CEP131: variants seen among roughly 807,000 people sequenced by gnomAD.
The protein encoded by CEP131 is centrosomal protein 131, also known as centrosomal protein of 131 kDa.
Under a neutral mutation model 136.8 loss-of-function variants are expected in CEP131, and 99 were observed. That is an observed-to-expected ratio of 0.72 (90% CI 0.62 to 0.86). The LOEUF (loss-of-function observed/expected upper bound fraction) is 0.86. Among genes scored for constraint, CEP131 ranks in the 40% least tolerant of loss-of-function variants. The probability of loss-of-function intolerance (pLI) is 0.00; values close to 1 mark genes in which losing one functional copy is unlikely to be tolerated. For synonymous variants in CEP131, 646 were observed against 612.7 expected (o/e 1.05, Z -0.80); for missense variants, 1,459 against 1,463.0 (o/e 1.00, Z 0.04).
chr17:81,192,791 G>GCTGC lies in CEP131; in HGVS notation c.2370_2373dup (p.Arg792AlafsTer6). ...TCCTCAGCCACCTCACTGTACAGCC[G>GCTGC]CTGCCGTTGCTGCTGCAGCGCCCAC... On this transcript the variant is annotated frameshift_variant, in exon 19 of 26. Coordinates refer to ENST00000450824, the MANE Select transcript of CEP131 (RefSeq NM_014984.4). LOFTEE classifies it high-confidence loss of function. 6.3e-7 allele frequency: 1 copy of GCTGC among 1,597,772 alleles called. No homozygotes were observed. The highest frequency in any genetic ancestry group is 8.5e-7 in the Non-Finnish European group (1 of 1,178,710).
chr17:81,201,502 G>A (rs2061890344), intron 7 of CEP131, among the ~76,000 whole-genome samples: 1 of 152,190 alleles, frequency 6.6e-6, no homozygotes, highest in African/African-American at 2.4e-5. Flanking sequence ...CTGGAGCTTT[G>A]GGTGTTGTTG....
intron 14 of CEP131, 37 bp from the exon 15 acceptor site, chr17:81,196,863 C>T (rs201347564): frequency 2.5e-5 from 40 of 1,601,402 alleles, no homozygotes; most frequent in South Asian, 9.0e-5. Context: ...GCGCTAGGAC[C>T]GGTGGGCCTG....
At chr17:81,194,625 C>G (rs528004980) in intron 17 of CEP131, among the ~76,000 whole-genome samples, 26 of 152,356 alleles carry the variant, frequency 1.7e-4, no homozygotes, top group African/African-American at 6.3e-4. Flanking sequence ...TGAGCCCCCT[C>G]GTTTCAGGCA....
intron 2 of CEP131, 47 bp from the exon 3 acceptor site, chr17:81,209,069 A>T: frequency 2.1e-6 from 3 of 1,409,104 alleles, no homozygotes; most frequent in Non-Finnish European, 3.0e-6. Flanking sequence ...AGGCTCACTC[A>T]CCAGTTTGCT....
intron 21 of CEP131, among the ~76,000 whole-genome samples, chr17:81,191,928 G>A (rs1416919367): frequency 1.3e-5 from 2 of 152,112 alleles, no homozygotes; most frequent in African/African-American, 2.4e-5. Context: ...GACTGTCACC[G>A]TGGCAGAGTC....
At chr17:81,197,499 C>T in intron 13 of CEP131, 3 of 730,094 alleles carry the variant, frequency 4.1e-6, no homozygotes, top group Non-Finnish European at 4.3e-6. Context: ...GCCACCTCCA[C>T]CCTGAGAGAC....
At chr17:81,211,001 CCAGA>C (rs940698408) in intron 2 of CEP131, among the ~76,000 whole-genome samples, 105 of 152,240 alleles carry the variant, frequency 6.9e-4, no homozygotes, top group African/African-American at 2.5e-3. Flanking sequence ...TTAAAGGAGG[CCAGA>C]CAGAGGCCAC....
intron 3 of CEP131, 104 bp from the exon 4 acceptor site, chr17:81,207,343 C>A: frequency 1.1e-6 from 1 of 939,992 alleles, no homozygotes; most frequent in Non-Finnish European, 1.6e-6. Flanking sequence ...GGGGCTGAGG[C>A]ACTAGCAGCA....
rs1453228929 is a variant in CEP131 at position 81,199,762 on chromosome 17, G to A, written c.980C>T (p.Ala327Val). The A allele has an allele frequency of 1.9e-6, 3 of 1,611,182 alleles. No individual in the cohort carries two copies. The highest frequency in any genetic ancestry group is 1.7e-5 in the Admixed American group (1 of 60,010). Residue 327 changes from alanine to valine, a missense_variant, in exon 9 of 26, where the codon GCC (alanine) becomes GTC (valine). Transcript: ENST00000450824. ...HQQKEAARRKAREEKARQARR... is the reference protein window; with the variant it reads ...HQQKEAARRKVREEKARQARR... ...GGCTTGGCGTGCCTTCTCCTCCCGG[G>A]CCTTCCTCCTGGCTGCCTCTTTCTG...
At chr17:81,218,361 T>A (rs1002243718) in intron 2 of CEP131, among the ~76,000 whole-genome samples, 1 of 152,110 alleles carries the variant, frequency 6.6e-6, no homozygotes, top group Non-Finnish European at 1.5e-5. Flanking sequence ...CGATTTCGAG[T>A]GCGTCTTCCC....
rs200586905 is a variant in CEP131 at position 81,191,071 on chromosome 17, G to A, written c.2779C>T (p.Arg927Trp). The A allele has an allele frequency of 2.0e-4, 327 of 1,604,040 alleles. No homozygotes were observed. Among genetic ancestry groups the A allele is most frequent in the Non-Finnish European group, 2.6e-4 (305 of 1,174,758 alleles). ...KAAESRIKRL[R>W]DKYEAELSEL... ...GAGAGCTCGGCCTCGTACTTGTCCC[G>A]TAAGCGCTTGATGCTGGAGGTGGGG... The change falls in exon 23 of 26, where the codon CGG becomes TGG. Residue 927 changes from arginine (R) to tryptophan (W), a missense_variant. This residue lies in a region of CEP131 where 1,026 missense variants were observed against 964.2 expected (regional missense o/e 1.06). Coordinates refer to ENST00000450824, the MANE Select transcript of CEP131 (RefSeq NM_014984.4).
intron 6 of CEP131, 48 bp from the exon 7 acceptor site, chr17:81,202,446 G>A: frequency 6.3e-7 from 1 of 1,581,226 alleles, no homozygotes; most frequent in Non-Finnish European, 8.6e-7. Flanking sequence ...CAGGGGAACA[G>A]CTCTGCCCAC....
At chr17:81,200,545 G>A (rs1210148970) in intron 7 of CEP131, 99 bp from the exon 8 acceptor site, 5 of 898,530 alleles carry the variant, frequency 5.6e-6, no homozygotes, top group Middle Eastern at 3.3e-4. Flanking sequence ...GAGAGAAGCC[G>A]GCGGCTGCAC....
In CEP131 at chr17:81,191,090, G is replaced by C; in HGVS notation, c.2766-6C>G. 6.2e-7 allele frequency: 1 copy of C among 1,600,432 alleles called. No individual in the cohort carries two copies. The highest frequency in any genetic ancestry group is 8.5e-7 in the Non-Finnish European group (1 of 1,172,260). On this transcript the variant is annotated splice_polypyrimidine_tract_variant and splice_region_variant and intron_variant, in intron 22 of 25. Transcript: ENST00000450824. ...TGTCCCGTAAGCGCTTGATGCTGGA[G>C]GTGGGGGGAGGGCAGGGTCACTCCA... is the stretch of plus-strand genomic sequence containing the variant.
chr17:81,197,272 C>A (rs1567856195), intron 13 of CEP131: 3 of 637,986 alleles, frequency 4.7e-6, no homozygotes, highest in Non-Finnish European at 5.3e-6. Context: ...GAATAAAAAA[C>A]AAACCATTTA....
At chr17:81,206,633 C>A (rs924663394) in intron 5 of CEP131, 111 bp downstream of exon 5, 5 of 1,399,760 alleles carry the variant, frequency 3.6e-6, no homozygotes, top group Non-Finnish European at 4.8e-6. Context: ...CTCACTCATT[C>A]ATTCATTCCA....
At chr17:81,195,089 T>A in intron 16 of CEP131, 117 bp from the exon 17 acceptor site, 1 of 751,178 alleles carries the variant, frequency 1.3e-6, no homozygotes, top group East Asian at 2.6e-5. Flanking sequence ...CCGGCACTCA[T>A]GGTTGGGTGT....
In CEP131 at chr17:81,200,119, C is replaced by T. The variant is rs559435989; in HGVS notation, c.906+210G>A. On this transcript the variant is annotated intron_variant, in intron 8 of 25. Coordinates refer to ENST00000450824, the MANE Select transcript of CEP131 (RefSeq NM_014984.4). ...TCCAGCCTGGGATGGACCCAGCAGG[C>T]GTTTCCTGACACCCAGGCCCTGAGG... The T allele has an allele frequency of 1.3e-4, 81 of 607,858 alleles. No individual in the cohort carries two copies. The Admixed American group carries it at 1.5e-3, about 11-fold the overall frequency. The allele number at this position is 607,858 out of a possible 1,614,324, so 37.7% of individuals were successfully genotyped here. A position where few individuals can be genotyped will look rare whatever the true frequency, so the allele number is the denominator to read the frequency against.
In CEP131 at chr17:81,192,730, C is replaced by A; in HGVS notation, c.2429+6G>T. On this transcript the variant is annotated splice_donor_region_variant and intron_variant, in intron 19 of 25. Coordinates refer to ENST00000450824, the MANE Select transcript of CEP131 (RefSeq NM_014984.4). ...TGGGAGAGGGCGTGGTGCCCCCGGG[C>A]GGCACCTGGCTGCCTGCTGGCCCAG... 1.9e-6 allele frequency: 3 copies of A among 1,543,654 alleles called. No homozygotes were observed. The highest frequency in any genetic ancestry group is 2.3e-5 in the East Asian group (1 of 44,380).
Sources: allele counts gnomAD v4.1 joint callset (sites outside exome capture counted in the v4.1 genomes callset), GRCh38; gene constraint gnomAD v4.1.1; regional missense constraint gnomAD v4.1.1; transcripts MANE v1.5; gene names NCBI Gene and HGNC (gene_info 2026-07-23, HGNC 2026-07-21).